RBFOX1: variants seen among roughly 807,000 people sequenced by gnomAD.
RBFOX1 encodes the protein RNA binding protein fox-1 homolog 1.
Under a neutral mutation model 57.7 loss-of-function variants are expected in RBFOX1, and 8 were observed. That is an observed-to-expected ratio of 0.14 (90% CI 0.08 to 0.25). The LOEUF is 0.25. Among genes scored for constraint, RBFOX1 ranks in the 10% least tolerant of loss-of-function variants. The pLI is 1.00. For missense variants in RBFOX1, 611 were observed against 548.5 expected, an observed-to-expected ratio of 1.11 and a Z score of -1.14; for synonymous variants, 326 against 222.4, an observed-to-expected ratio of 1.47 and a Z score of -4.15.
intron 1 of RBFOX1, among the ~76,000 whole-genome samples, chr16:6,099,699 A>G (rs1248493034): frequency 6.6e-6 from 1 of 152,222 alleles, no homozygotes; most frequent in African/African-American, 2.4e-5. Flanking sequence ...CACAAACAAA[A>G]TTCATGACTG....
In RBFOX1 at chr16:6,557,044, T is replaced by C. The variant is rs551428644; in HGVS notation, c.-63-97559T>C. On this transcript the variant is annotated intron_variant, in intron 2 of 15. Transcript: ENST00000550418. ...ATATATACATATATACACATATATA[T>C]ACATATATATACATATATACATACA... is the stretch of plus-strand genomic sequence containing the variant. Among the ~76,000 whole-genome samples the C allele has an allele frequency of 6.7e-3, 847 of 127,096 alleles. 8 individuals are homozygous for C. Among genetic ancestry groups the C allele is most frequent in the African/African-American group, 0.027 (724 of 27,084 alleles). The allele number at this position is 127,096 out of a possible 152,430, so 83.4% of individuals were successfully genotyped here.
chr16:6,019,683 T>C lies in RBFOX1; in HGVS notation c.-436T>C. ...GCCCCGGCGTCCGGAGCAGGAGAAC[T>C]CCGAGCTTCTTGCCCAGGCAGAGAG... On this transcript the variant is annotated 5_prime_UTR_variant, in exon 1 of 16. Transcript: ENST00000550418. This position sits in a 1 kb window ranked among gnomAD's most constrained non-coding sequence, Gnocchi z 4.2. 7.5e-7 allele frequency: 1 copy of C among 1,336,762 alleles called. No homozygotes were observed. Among genetic ancestry groups the C allele is most frequent in the East Asian group, 3.0e-5 (1 of 33,800 alleles). The allele number at this position is 1,336,762 out of a possible 1,614,324, so 82.8% of individuals were successfully genotyped here.
At chr16:5,540,888 C>T (rs578084305) in intron 2 of RBFOX1, among the ~76,000 whole-genome samples, 5 of 152,252 alleles carry the variant, frequency 3.3e-5, no homozygotes, top group East Asian at 1.9e-4. Context: ...CTTGCTCTGT[C>T]GCCCAGGCTG....
chr16:5,266,060 G>C (rs1481362815), intron 1 of RBFOX1, among the ~76,000 whole-genome samples: 7 of 152,096 alleles, frequency 4.6e-5, no homozygotes, highest in African/African-American at 1.7e-4. Flanking sequence ...AAAAACTCTG[G>C]ATTTTCTTTG....
intron 1 of RBFOX1, among the ~76,000 whole-genome samples, chr16:6,240,636 A>G (rs2097535282): frequency 1.3e-5 from 2 of 152,110 alleles, no homozygotes; most frequent in Non-Finnish European, 2.9e-5. Flanking sequence ...GACCACATGC[A>G]GCTGCCCACA....
rs1297301034 is a variant in RBFOX1 at position 6,656,945 on chromosome 16, T to TTCCTCTCCTCTCCTTTCCTC, written c.-16+2305_-16+2306insTCCTTTCCTCTCCTCTCCTC. The stretch of plus-strand genomic sequence containing the variant: ...CTCCTCTCCTCCCCTCTCCTCCCCT[T>TTCCTCTCCTCTCCTTTCCTC]TCCTCTCCTCCCCTTTCCTCTCCTC... On this transcript the variant is annotated intron_variant, in intron 3 of 15. Coordinates refer to ENST00000550418, the MANE Select transcript of RBFOX1 (RefSeq NM_018723.4). Among the ~76,000 whole-genome samples, 18 of 8,358 alleles carry TTCCTCTCCTCTCCTTTCCTC rather than the reference T, an allele frequency of 2.2e-3. 3 individuals are homozygous for TTCCTCTCCTCTCCTTTCCTC. The highest frequency in any genetic ancestry group is 5.6e-3 in the African/African-American group (15 of 2,690). 5.5% of individuals were successfully genotyped at this position (8,358 alleles called of 152,430 possible).
chr16:7,317,132 C>T (rs1460888612), intron 4 of RBFOX1, among the ~76,000 whole-genome samples: 2 of 152,046 alleles, frequency 1.3e-5, no homozygotes, highest in African/African-American at 4.8e-5. Context: ...TAGGAAGTCA[C>T]TGCGATACTA....
intron 3 of RBFOX1, among the ~76,000 whole-genome samples, chr16:6,952,345 G>C (rs1438668406): frequency 6.6e-6 from 1 of 152,182 alleles, no homozygotes; most frequent in Admixed American, 6.5e-5. Context: ...AGTTAACTTA[G>C]ACCTGTTAGA....
intron 1 of RBFOX1, among the ~76,000 whole-genome samples, chr16:5,439,344 A>C (rs1007639822): frequency 3.9e-5 from 6 of 152,196 alleles, no homozygotes; most frequent in Non-Finnish European, 8.8e-5. Context: ...GAAGGGCTTT[A>C]AACAGGGAAG....
chr16:6,896,797 A>T (rs946009290), intron 3 of RBFOX1, among the ~76,000 whole-genome samples: 3 of 152,204 alleles, frequency 2.0e-5, no homozygotes, highest in African/African-American at 7.2e-5. Context: ...AGGTGGGAGC[A>T]TTTGAGATCA....
chr16:7,684,439 G>A (rs2075610623), intron 14 of RBFOX1, among the ~76,000 whole-genome samples: 1 of 152,034 alleles, frequency 6.6e-6, no homozygotes, highest in African/African-American at 2.4e-5. Flanking sequence ...GATACATTAT[G>A]ATGTGTGACT....
chr16:5,890,776 A>T (rs2009856), intron 4 of RBFOX1, among the ~76,000 whole-genome samples: 138,924 of 151,150 alleles, frequency 0.92, 64,035 homozygotes, highest in African/African-American at 0.98. Context: ...CCTGGGCTTT[A>T]GATCCTACAC....
At chr16:6,652,644 G>T (rs145366371) in intron 2 of RBFOX1, among the ~76,000 whole-genome samples, 32 of 152,236 alleles carry the variant, frequency 2.1e-4, no homozygotes, top group Non-Finnish European at 4.1e-4. Flanking sequence ...AGTCGTTGAA[G>T]TCACCTAGTC....
intron 4 of RBFOX1, among the ~76,000 whole-genome samples, chr16:5,904,875 G>A (rs181962821): frequency 6.6e-6 from 1 of 150,960 alleles, no homozygotes; most frequent in Admixed American, 6.6e-5. Flanking sequence ...TACTCGGGAG[G>A]CTGAGGCAGG....
intron 4 of RBFOX1, among the ~76,000 whole-genome samples, chr16:7,414,720 C>T (rs956805270): frequency 1.6e-4 from 25 of 152,268 alleles, no homozygotes; most frequent in African/African-American, 4.1e-4. Flanking sequence ...CGGGTTCAAG[C>T]GATTCTTGTG....
intron 4 of RBFOX1, among the ~76,000 whole-genome samples, chr16:7,364,115 C>G (rs1289996192): frequency 9.2e-5 from 14 of 152,194 alleles, no homozygotes; most frequent in Admixed American, 8.5e-4. Context: ...GATTAGGAAT[C>G]CATCTCTCCC....
chr16:6,261,884 G>C (rs902084760), intron 1 of RBFOX1, among the ~76,000 whole-genome samples: 1 of 146,612 alleles, frequency 6.8e-6, no homozygotes, highest in African/African-American at 2.6e-5. Context: ...AAAAAACCTA[G>C]CTGGGCATGG....
intron 1 of RBFOX1, among the ~76,000 whole-genome samples, chr16:5,453,803 G>A (rs1010367333): frequency 2.6e-5 from 4 of 152,186 alleles, no homozygotes; most frequent in African/African-American, 9.7e-5. Flanking sequence ...GACTACTTAC[G>A]TACGAGGGTG....
At chr16:7,183,410 A>G (rs2083117713) in intron 4 of RBFOX1, among the ~76,000 whole-genome samples, 1 of 152,362 alleles carries the variant, frequency 6.6e-6, no homozygotes, top group Middle Eastern at 3.4e-3. Context: ...GCCAGTGGGC[A>G]CCATGAAAGT....
Sources: allele counts gnomAD v4.1 joint callset (sites outside exome capture counted in the v4.1 genomes callset), GRCh38; gene constraint gnomAD v4.1.1; non-coding constraint Gnocchi (gnomAD v3.1); transcripts MANE v1.5; gene names NCBI Gene and HGNC (gene_info 2026-07-23, HGNC 2026-07-21).